NOL10: variants seen among roughly 807,000 people sequenced by gnomAD.
The protein encoded by NOL10 is H_NH0074G24.1.
In NOL10, 58 loss-of-function variants were observed where a neutral mutation model predicts 103.5. The observed-to-expected ratio is 0.56, with a 90% CI of 0.45 to 0.70. The LOEUF is 0.70. Among genes scored for constraint, NOL10 ranks in the 30% least tolerant of loss-of-function variants. NOL10 has a pLI of 0.00. For missense variants in NOL10, 763 were observed against 807.3 expected (o/e 0.95, Z 0.67); for synonymous variants, 287 against 282.5 (o/e 1.02, Z -0.16).
intron 1 of NOL10, among the ~76,000 whole-genome samples, chr2:10,685,310 T>A (rs1003282433): frequency 6.6e-6 from 1 of 151,728 alleles, no homozygotes; most frequent in East Asian, 1.9e-4. Flanking sequence ...CTGGCCAACA[T>A]GGTGAAACCC....
rs527974916 is a variant in NOL10, at chr2:10,659,349, G to C, written c.678-99C>G. The stretch of plus-strand genomic sequence containing the variant: ...CTTCACTTCAAATCTAATGGGGGGG[G>C]GGGGGAGGAATCACATTTCTAGGCT... On this transcript the variant is annotated intron_variant, in intron 9 of 20. Transcript: ENST00000381685. 105 of 476,782 alleles carry C rather than the reference G, an allele frequency of 2.2e-4. 17 individuals are homozygous for C. The highest frequency in any genetic ancestry group is 8.0e-4 in the Middle Eastern group (2 of 2,492). The allele number at this position is 476,782 out of a possible 1,614,324, so 29.5% of individuals were successfully genotyped here.
chr2:10,651,217 T>C (rs1191620674), intron 12 of NOL10, among the ~76,000 whole-genome samples: 1 of 152,112 alleles, frequency 6.6e-6, no homozygotes, highest in African/African-American at 2.4e-5. Flanking sequence ...TCTTTGGGCT[T>C]CTATATCCTT....
rs1553315652 is a variant in NOL10, at chr2:10,678,436, A to AAAC, written c.212-2566_212-2565insGTT. Among the ~76,000 whole-genome samples the AAAC allele has an allele frequency of 5.6e-3, 840 of 150,080 alleles. 5 individuals carry two copies. The highest frequency in any genetic ancestry group is 0.031 in the Middle Eastern group (9 of 290). On this transcript the variant is annotated intron_variant, in intron 3 of 20. Coordinates refer to ENST00000381685, the MANE Select transcript of NOL10 (RefSeq NM_024894.4). ...AAAAAAGTGGTAAAAAAAAAAAAAA[A>AAAC]CACTAATAAAAGTAGAGCCTCTATT...
At chr2:10,685,507 C>T (rs1403262297) in intron 1 of NOL10, among the ~76,000 whole-genome samples, 3 of 13,636 alleles carry the variant, frequency 2.2e-4, no homozygotes, top group Admixed American at 4.7e-4. Context: ...CCCCCCCCCC[C>T]GCCAAAAAAA....
chr2:10,605,770 C>T (rs1484014028), intron 14 of NOL10, among the ~76,000 whole-genome samples: 1 of 152,150 alleles, frequency 6.6e-6, no homozygotes, highest in Admixed American at 6.5e-5. Flanking sequence ...TAAGAAGGCA[C>T]TGCAGTAAGA....
At chr2:10,620,903 C>T (rs931370145) in intron 13 of NOL10, among the ~76,000 whole-genome samples, 6 of 152,150 alleles carry the variant, frequency 3.9e-5, no homozygotes, top group African/African-American at 1.4e-4. Context: ...TCAAGCGATG[C>T]TCCTGCCTCA....
chr2:10,614,403 G>A (rs912359832), intron 13 of NOL10, among the ~76,000 whole-genome samples: 10 of 152,084 alleles, frequency 6.6e-5, no homozygotes, highest in Non-Finnish European at 1.5e-4. Flanking sequence ...TGAGGCCCTG[G>A]TTCTTTAACA....
chr2:10,644,917 G>A (rs561697988), intron 12 of NOL10, among the ~76,000 whole-genome samples: 243 of 152,232 alleles, frequency 1.6e-3, no homozygotes, highest in Non-Finnish European at 3.1e-3. Context: ...CCTTTTCTCT[G>A]CCATTTTTGC....
intron 17 of NOL10, among the ~76,000 whole-genome samples, chr2:10,591,509 C>T (rs1365501010): frequency 6.6e-6 from 1 of 151,948 alleles, no homozygotes; most frequent in East Asian, 1.9e-4. Flanking sequence ...AATTTCAAAA[C>T]AATTTTTTGA....
chr2:10,628,150 G>C (rs1677602263), intron 13 of NOL10, among the ~76,000 whole-genome samples: 1 of 152,052 alleles, frequency 6.6e-6, no homozygotes, highest in East Asian at 1.9e-4. Flanking sequence ...TTTCTTGCAT[G>C]ATCTTACTCT....
At chr2:10,603,940 G>T (rs1307260474) in intron 14 of NOL10, among the ~76,000 whole-genome samples, 1 of 152,188 alleles carries the variant, frequency 6.6e-6, no homozygotes, top group African/African-American at 2.4e-5. Context: ...TATGTCAGTG[G>T]TCCCCAACCT....
intron 11 of NOL10, among the ~76,000 whole-genome samples, chr2:10,655,898 A>C (rs1458143589): frequency 6.6e-6 from 1 of 152,206 alleles, no homozygotes; most frequent in Non-Finnish European, 1.5e-5. Flanking sequence ...ACCCAAGACT[A>C]ACAGTGAAAT....
chr2:10,686,803 G>C lies in NOL10; in HGVS notation c.67-2191C>G, dbSNP rs140955125. ...CATCAACAGCTTGCGGGATGGAGTT[G>C]CCACTGGCTGAGGGAGGGAAGACCA... is the stretch of plus-strand genomic sequence containing the variant. On this transcript the variant is annotated intron_variant, in intron 1 of 20. Coordinates refer to ENST00000381685, the MANE Select transcript of NOL10 (RefSeq NM_024894.4). Among the ~76,000 whole-genome samples, 26 of 147,956 alleles carry C rather than the reference G, an allele frequency of 1.8e-4. 1 individual carries two copies. Among genetic ancestry groups the C allele is most frequent in the African/African-American group, 6.1e-4 (25 of 41,172 alleles).
At chr2:10,601,284 C>T (rs114992164) in intron 16 of NOL10, among the ~76,000 whole-genome samples, 14,427 of 152,134 alleles carry the variant, frequency 0.095, 843 homozygotes, top group Admixed American at 0.16. Flanking sequence ...AGGACAGTCT[C>T]GGTCTCCTGA....
At chr2:10,575,629 G>A (rs965955571) in intron 20 of NOL10, among the ~76,000 whole-genome samples, 4 of 152,078 alleles carry the variant, frequency 2.6e-5, no homozygotes, top group Non-Finnish European at 5.9e-5. Context: ...ATTTTAAACT[G>A]ATCTTCAACT....
intron 6 of NOL10, among the ~76,000 whole-genome samples, chr2:10,669,807 G>A (rs62127211): frequency 0.068 from 10,391 of 151,814 alleles, 547 homozygotes; most frequent in Non-Finnish European, 0.1. Flanking sequence ...CAGGAGAATC[G>A]CTTGAACCTG....
At chr2:10,641,296 T>C (rs1678681630) in intron 13 of NOL10, among the ~76,000 whole-genome samples, 1 of 151,836 alleles carries the variant, frequency 6.6e-6, no homozygotes, top group Non-Finnish European at 1.5e-5. Context: ...TGAGCCGAGA[T>C]TGTGCCACTG....
Position 10,671,557 on chromosome 2 carries a change from G to A in NOL10, c.461C>T (p.Ala154Val). Residue 154 changes from alanine to valine, a missense_variant, in exon 6 of 21, where the codon GCA becomes GTA. Coordinates refer to ENST00000381685, the MANE Select transcript of NOL10 (RefSeq NM_024894.4). The part of the protein sequence containing the change: ...YPSCDLYFVG[A>V]SSEVYRLNLE... ...AAAAAGGGACTGGATCCAATACCTT[G>A]CACCAACAAAGTACAAGTCACAGGA... is the stretch of plus-strand genomic sequence containing the variant. 1 of 1,604,058 alleles carries A rather than the reference G, an allele frequency of 6.2e-7. No individual in the cohort carries two copies. The highest frequency in any genetic ancestry group is 8.5e-7 in the Non-Finnish European group (1 of 1,175,962).
intron 13 of NOL10, chr2:10,622,048 T>C (rs1558296867): frequency 4.2e-6 from 2 of 471,144 alleles, no homozygotes; most frequent in Non-Finnish European, 8.8e-6. Context: ...ATGTGACTAA[T>C]GGCTACCACA....
Sources: gnomAD v4.1 joint callset for allele counts (sites outside exome capture counted in the v4.1 genomes callset) on GRCh38, gnomAD v4.1.1 for gene constraint, MANE v1.5 for transcripts, NCBI Gene and HGNC (gene_info 2026-07-23, HGNC 2026-07-21) for gene names.